The following STK35 variants were observed in gnomAD, a reference collection of about 807,000 sequenced individuals.
STK35 encodes the protein serine/threonine kinase 35, also known as serine/threonine-protein kinase 35.
A neutral mutation model predicts 37.3 loss-of-function variants in STK35; 17 were observed. The observed-to-expected ratio is 0.46, with a 90% CI of 0.31 to 0.68. The LOEUF is 0.68. Ranked by LOEUF, STK35 falls within the 30% of genes least tolerant of loss-of-function variation. The probability of loss-of-function intolerance (pLI) is 0.05; values close to 1 mark genes in which losing one functional copy is unlikely to be tolerated. For synonymous variants in STK35, 385 were observed against 319.1 expected, an observed-to-expected ratio of 1.21 and a Z score of -2.20; for missense variants, 595 against 746.7, an observed-to-expected ratio of 0.80 and a Z score of 2.37.
rs567035956 is a variant in STK35, at chr20:2,119,781, G to A, written c.*37+2366G>A. On this transcript the variant is annotated intron_variant, in intron 3 of 3. Coordinates refer to ENST00000381482, the MANE Select transcript of STK35 (RefSeq NM_080836.4). Reference sequence around the variant, plus strand: ...CACAAGAAGCCTCAGGAGCCATAAGGCACGGAGCTTTCCATCACTTGGGTG... The same window carrying A: ...CACAAGAAGCCTCAGGAGCCATAAGACACGGAGCTTTCCATCACTTGGGTG... 3.1e-4 allele frequency among the ~76,000 whole-genome samples: 47 copies of A among 152,308 alleles called. 1 individual carries two copies. In the Middle Eastern group the frequency reaches 0.017, roughly 55 times the overall value.
At position 2,117,204 on chromosome 20, in the gene STK35, T is replaced by TGAGGCGCTGCTA; in HGVS notation, c.1434_1445dup (p.Ala479_Glu482dup). ...AGGGGACTGAGATCGTCCCTGTTGG[T>TGAGGCGCTGCTA]GAGGCGCTGCTAGAAAACCCAAAGA... On this transcript the variant is annotated inframe_insertion, in exon 3 of 4. Transcript: ENST00000381482. The surrounding 1 kb of genome is among the most constrained non-coding windows in gnomAD (Gnocchi z 4.4). 1 of 1,614,140 alleles carries TGAGGCGCTGCTA rather than the reference T, an allele frequency of 6.2e-7. No homozygotes were observed. The highest frequency in any genetic ancestry group is 1.1e-5 in the South Asian group (1 of 91,080).
In STK35 at chr20:2,103,154, G is replaced by C. The variant is rs1376069316; in HGVS notation, c.681G>C (p.Arg227=). The C allele has an allele frequency of 5.0e-6, 8 of 1,606,278 alleles. No individual in the cohort carries two copies. Among genetic ancestry groups the C allele is most frequent in the Non-Finnish European group, 3.4e-6 (4 of 1,179,244 alleles). Residue 227 remains arginine, a synonymous_variant, in exon 2 of 4, where the codon CGG becomes CGC. Transcript: ENST00000381482. ...CAGTGGCCGGGCGCAGCGGGGCCCG[G>C]GTGGCGGTCAAGAAGATCCGCTGCG... ...YEAVAGRSGA[R]VAVKKIRCDA...
At chr20:2,136,276 CAGG>C (rs1986085932) in intron 3 of STK35, among the ~76,000 whole-genome samples, 1 of 152,194 alleles carries the variant, frequency 6.6e-6, no homozygotes, top group Non-Finnish European at 1.5e-5. Flanking sequence ...GAAATCGAGA[CAGG>C]AGCCCCCTGG....
intron 3 of STK35, among the ~76,000 whole-genome samples, chr20:2,129,376 G>A (rs1985960260): frequency 6.6e-6 from 1 of 152,120 alleles, no homozygotes; most frequent in South Asian, 2.1e-4. Flanking sequence ...GCAGAGGCCT[G>A]CCAGGCACGC....
At chr20:2,130,967 C>T (rs147660309) in intron 3 of STK35, among the ~76,000 whole-genome samples, 132 of 152,236 alleles carry the variant, frequency 8.7e-4, no homozygotes, top group African/African-American at 2.9e-3. Flanking sequence ...CCCTGGGGAC[C>T]TAGGTCTTTA....
chr20:2,102,910 A>C lies in STK35; in HGVS notation c.437A>C (p.Gln146Pro). The C allele has an allele frequency of 6.4e-7, 1 of 1,560,686 alleles. No homozygotes were observed. The highest frequency in any genetic ancestry group is 2.5e-5 in the East Asian group (1 of 40,484). The change falls in exon 2 of 4, where the codon CAA becomes CCA. Residue 146 changes from glutamine to proline, a missense_variant. Gln to Pro is a moderately conservative substitution (Grantham distance 76, BLOSUM62 -1). This residue lies in a region of STK35 where 389 missense variants were observed against 320.0 expected (regional missense o/e 1.22). Coordinates refer to ENST00000381482, the MANE Select transcript of STK35 (RefSeq NM_080836.4). ...TGKDGARRGT[Q>P]SPERKRRSPV... ...AAGGACGGCGCCCGCAGAGGTACACAAAGCCCGGAGCGGAAAAGGCGAAGC... is the reference window on the plus strand; with the variant it reads ...AAGGACGGCGCCCGCAGAGGTACACCAAGCCCGGAGCGGAAAAGGCGAAGC...
At chr20:2,116,631 C>G in intron 2 of STK35, 35 bp from the exon 3 acceptor site, 1 of 1,586,144 alleles carries the variant, frequency 6.3e-7, no homozygotes, top group Non-Finnish European at 8.6e-7. Flanking sequence ...CTGTGTCCAT[C>G]TCACTCAAGC....
At chr20:2,129,595 A>C (rs183839304) in intron 3 of STK35, among the ~76,000 whole-genome samples, 1 of 152,152 alleles carries the variant, frequency 6.6e-6, no homozygotes, top group Admixed American at 6.5e-5. Context: ...GGGTGCCTCT[A>C]TTAATAACAC....
At chr20:2,142,107 T>C (rs1412429472) in intron 3 of STK35, among the ~76,000 whole-genome samples, 1 of 152,284 alleles carries the variant, frequency 6.6e-6, no homozygotes, top group East Asian at 1.9e-4. Context: ...AGAAACACTT[T>C]CAGTGGTTGC....
At chr20:2,143,110 A>C (rs750482928) in intron 3 of STK35, among the ~76,000 whole-genome samples, 10 of 152,196 alleles carry the variant, frequency 6.6e-5, no homozygotes, top group Non-Finnish European at 1.0e-4. Flanking sequence ...AAATTCCCCC[A>C]CAGTCGAGGG....
At chr20:2,123,370 G>C (rs773877950) in intron 3 of STK35, among the ~76,000 whole-genome samples, 14 of 152,216 alleles carry the variant, frequency 9.2e-5, no homozygotes, top group Non-Finnish European at 1.6e-4. Context: ...GGGGTCCAAA[G>C]ATGTGGCTCT....
chr20:2,111,421 G>C (rs1321166377), intron 2 of STK35, among the ~76,000 whole-genome samples: 1 of 152,196 alleles, frequency 6.6e-6, no homozygotes, highest in Non-Finnish European at 1.5e-5. Context: ...GTGGCCAGGC[G>C]TGGTGGCTCA....
chr20:2,111,978 C>A (rs574301493), intron 2 of STK35, among the ~76,000 whole-genome samples: 1 of 152,214 alleles, frequency 6.6e-6, no homozygotes, highest in Non-Finnish European at 1.5e-5. Flanking sequence ...TCCGGGCCCG[C>A]TTCCTAGTTC....
intron 2 of STK35, among the ~76,000 whole-genome samples, chr20:2,113,095 G>A (rs764327868): frequency 6.6e-6 from 1 of 152,100 alleles, no homozygotes; most frequent in African/African-American, 2.4e-5. Flanking sequence ...GTGACAGTTT[G>A]GTTCTTTGGG....
intron 3 of STK35, among the ~76,000 whole-genome samples, chr20:2,136,720 C>G (rs1986092849): frequency 6.6e-6 from 1 of 152,244 alleles, no homozygotes; most frequent in Non-Finnish European, 1.5e-5. Flanking sequence ...AAAAACCCAG[C>G]ACTGCTGCTT....
chr20:2,108,785 T>C (rs915147025), intron 2 of STK35, among the ~76,000 whole-genome samples: 2 of 152,124 alleles, frequency 1.3e-5, no homozygotes, highest in African/African-American at 4.8e-5. Flanking sequence ...TGGGGTTGCG[T>C]TGGGTAAGGC....
Position 2,101,842 on chromosome 20 carries a change from A to T in STK35, c.-40A>T, listed in dbSNP as rs1213442294. 7.6e-7 allele frequency: 1 copy of T among 1,322,072 alleles called. No homozygotes were observed. Among genetic ancestry groups the T allele is most frequent in the African/African-American group, 1.5e-5 (1 of 65,064 alleles). 81.9% of individuals were successfully genotyped at this position (1,322,072 alleles called of 1,614,324 possible). On this transcript the variant is annotated 5_prime_UTR_variant, in exon 1 of 4. Transcript: ENST00000381482. ...CGGCTGCTCCGTCGACCTTTGCAGG[A>T]CCGGGCGGTGCAGGGCTCACTCGGC...
At chr20:2,125,312 C>T (rs1032592712) in intron 3 of STK35, among the ~76,000 whole-genome samples, 1 of 152,210 alleles carries the variant, frequency 6.6e-6, no homozygotes, top group South Asian at 2.1e-4. Flanking sequence ...AGGGCAGAGA[C>T]CCTGCCTTTT....
rs1381245117 is a variant in STK35, at chr20:2,129,008, A to G, written c.*37+11593A>G. Among the ~76,000 whole-genome samples the G allele has an allele frequency of 6.6e-5, 10 of 152,210 alleles. No individual in the cohort carries two copies. In the East Asian group the frequency reaches 1.9e-3, roughly 29 times the overall value. ...CCCAGCTAATTTTCATATTTTTATT[A>G]GAGACAGGGTTTCACCATGTTGGCC... On this transcript the variant is annotated intron_variant, in intron 3 of 3. Coordinates refer to ENST00000381482, the MANE Select transcript of STK35 (RefSeq NM_080836.4).
Sources: allele counts gnomAD v4.1 joint callset (sites outside exome capture counted in the v4.1 genomes callset), GRCh38; gene constraint gnomAD v4.1.1; regional missense constraint gnomAD v4.1.1; non-coding constraint Gnocchi (gnomAD v3.1); transcripts MANE v1.5; gene names NCBI Gene and HGNC (gene_info 2026-07-23, HGNC 2026-07-21).